ITGB3BP: variants seen among roughly 807,000 people sequenced by gnomAD.
ITGB3BP encodes the protein centromere protein R.
Under a neutral mutation model 29.1 loss-of-function variants are expected in ITGB3BP, and 27 were observed. That is an observed-to-expected ratio of 0.93 (90% CI 0.68 to 1.28). ITGB3BP has a LOEUF of 1.28. Ranked by LOEUF, ITGB3BP falls within the 50% of genes most tolerant of loss-of-function variation. The pLI, the probability that ITGB3BP is intolerant of heterozygous loss-of-function variation, is 0.00. For synonymous variants in ITGB3BP, 61 were observed against 61.4 expected (o/e 0.99, Z 0.03); for missense variants, 192 against 200.2 (o/e 0.96, Z 0.25).
intron 4 of ITGB3BP, among the ~76,000 whole-genome samples, chr1:63,455,851 A>G (rs80039094): frequency 0.013 from 1,893 of 148,790 alleles, 32 homozygotes; most frequent in African/African-American, 0.044. Context: ...AGCCACACTA[A>G]AAGGAATAAA....
intron 8 of ITGB3BP, among the ~76,000 whole-genome samples, chr1:63,443,859 G>A (rs1430136534): frequency 6.9e-6 from 1 of 145,884 alleles, no homozygotes; most frequent in Non-Finnish European, 1.5e-5. Context: ...TCTTTGGAGG[G>A]GAAATGATGA....
chr1:63,463,424 A>T (rs982487746), intron 4 of ITGB3BP, among the ~76,000 whole-genome samples: 3 of 152,112 alleles, frequency 2.0e-5, no homozygotes, highest in African/African-American at 7.2e-5. Flanking sequence ...TATGAATAAG[A>T]TCAGTGGATT....
At position 63,478,841 on chromosome 1, in the gene ITGB3BP, T is replaced by C. The variant is rs201791656; in HGVS notation, c.185-8A>G. ...TCAATTTTTTTCTCTTTTCTATATA[T>C]GTGTAATAAAGAAAAGGACATAAAG... On this transcript the variant is annotated splice_region_variant and splice_polypyrimidine_tract_variant and intron_variant, in intron 3 of 8. Transcript: ENST00000271002. 106 of 1,067,716 alleles carry C rather than the reference T, an allele frequency of 9.9e-5. No individual in the cohort carries two copies. The highest frequency in any genetic ancestry group is 1.3e-4 in the Non-Finnish European group (100 of 743,126). The allele number at this position is 1,067,716 out of a possible 1,614,324, so 66.1% of individuals were successfully genotyped here. A position where few individuals can be genotyped will look rare whatever the true frequency, so the allele number is the denominator to read the frequency against.
At chr1:63,477,216 C>T (rs1271037725) in intron 4 of ITGB3BP, among the ~76,000 whole-genome samples, 1 of 152,182 alleles carries the variant, frequency 6.6e-6, no homozygotes, top group Admixed American at 6.5e-5. Flanking sequence ...GTTTCCACAT[C>T]TTTTAATCTG....
intron 8 of ITGB3BP, among the ~76,000 whole-genome samples, chr1:63,445,647 C>T (rs1019936432): frequency 1.5e-4 from 20 of 132,382 alleles, no homozygotes; most frequent in Admixed American, 7.2e-5. Flanking sequence ...GTCACCCAGG[C>T]TGAGTGCAGT....
intron 4 of ITGB3BP, among the ~76,000 whole-genome samples, chr1:63,460,699 C>G (rs1013507584): frequency 7.9e-5 from 12 of 152,118 alleles, no homozygotes; most frequent in Non-Finnish European, 8.8e-5. Flanking sequence ...ATATGTTTAA[C>G]TTTTTGAGAA....
intron 4 of ITGB3BP, among the ~76,000 whole-genome samples, chr1:63,474,003 C>A (rs1386917451): frequency 1.9e-4 from 1 of 5,334 alleles, no homozygotes; most frequent in African/African-American, 2.0e-4. Flanking sequence ...CCAGCCGCCC[C>A]GTCCGGGAGG....
intron 4 of ITGB3BP, among the ~76,000 whole-genome samples, chr1:63,471,190 C>A (rs1645189743): frequency 1.8e-5 from 2 of 112,654 alleles, no homozygotes; most frequent in South Asian, 7.8e-4. Flanking sequence ...ACTTTTAAAG[C>A]TGTTTAATTT....
intron 2 of ITGB3BP, among the ~76,000 whole-genome samples, chr1:63,507,784 T>G (rs1646112921): frequency 6.6e-6 from 1 of 152,208 alleles, no homozygotes; most frequent in Non-Finnish European, 1.5e-5. Context: ...ACCCATTTAT[T>G]GAAATGGCAT....
intron 7 of ITGB3BP, chr1:63,447,711 A>C (rs1644806160): frequency 2.2e-6 from 1 of 450,202 alleles, no homozygotes; most frequent in East Asian, 7.0e-5. Flanking sequence ...AGAAATAGGA[A>C]CACTTTTACA....
chr1:63,498,381 T>C (rs999176292), intron 2 of ITGB3BP, among the ~76,000 whole-genome samples: 12 of 152,082 alleles, frequency 7.9e-5, no homozygotes, highest in East Asian at 1.9e-4. Context: ...TCTGGTCACA[T>C]AGAATGACAA....
At chr1:63,524,002 G>A (rs1646530383), upstream of ITGB3BP, among the ~76,000 whole-genome samples, 1 of 152,180 alleles carries the variant, frequency 6.6e-6, no homozygotes, top group East Asian at 1.9e-4. Flanking sequence ...GTCTCGGGCC[G>A]GAGTTTTAAG....
chr1:63,490,127 G>C lies in ITGB3BP; in HGVS notation c.140C>G (p.Pro47Arg). 1.9e-6 allele frequency: 3 copies of C among 1,610,732 alleles called. No homozygotes were observed. The highest frequency in any genetic ancestry group is 1.3e-5 in the African/African-American group (1 of 74,924). Reference sequence around the variant, plus strand: ...GTGCTTTTGCTCTTCAGAACTTGTGGGAGAAGCAAATAGACTCATTTGACA... The same window carrying C: ...GTGCTTTTGCTCTTCAGAACTTGTGCGAGAAGCAAATAGACTCATTTGACA... ...GTCQMSLFAS[P>R]TSSEEQKHRN... The change falls in exon 3 of 9, where the codon CCC becomes CGC. Residue 47 changes from proline to arginine, a missense_variant. Physicochemically the swap from Pro to Arg is moderately radical, Grantham distance 103 (BLOSUM62 -2). Coordinates refer to ENST00000271002, the MANE Select transcript of ITGB3BP (RefSeq NM_014288.5).
intron 2 of ITGB3BP, among the ~76,000 whole-genome samples, chr1:63,492,884 G>A (rs551611262): frequency 6.8e-6 from 1 of 147,976 alleles, no homozygotes; most frequent in Admixed American, 6.7e-5. Flanking sequence ...CAAGGTGGGA[G>A]GATTGCTTGA....
intron 2 of ITGB3BP, among the ~76,000 whole-genome samples, chr1:63,494,233 G>A (rs965897221): frequency 1.3e-5 from 2 of 151,856 alleles, no homozygotes; most frequent in African/African-American, 2.4e-5. Flanking sequence ...TCTGCCTCCC[G>A]GGTTCAAGCG....
intron 7 of ITGB3BP, 90 bp from the exon 8 acceptor site, chr1:63,446,946 A>G: frequency 1.1e-6 from 1 of 926,734 alleles, no homozygotes; most frequent in Non-Finnish European, 1.7e-6. Flanking sequence ...TTGAAGCAAA[A>G]TGAAATTAAA....
At chr1:63,508,462 TAAATC>T in intron 2 of ITGB3BP, 61 bp downstream of exon 2, 3 of 702,286 alleles carry the variant, frequency 4.3e-6, no homozygotes, top group Non-Finnish European at 2.4e-6. Flanking sequence ...TTTAACGAGA[TAAATC>T]AGTAGTTAAA....
chr1:63,491,506 A>G (rs539400557), intron 2 of ITGB3BP, among the ~76,000 whole-genome samples: 24 of 152,298 alleles, frequency 1.6e-4, no homozygotes, highest in African/African-American at 5.5e-4. Context: ...CTGATGGCTC[A>G]TACATTGCCA....
intron 4 of ITGB3BP, among the ~76,000 whole-genome samples, chr1:63,472,501 T>C (rs1259093260): frequency 7.9e-6 from 1 of 125,946 alleles, no homozygotes; most frequent in Non-Finnish European, 1.6e-5. Flanking sequence ...TCTCCTTCCA[T>C]GGTCTCCCTC....
Sources: allele counts gnomAD v4.1 joint callset (sites outside exome capture counted in the v4.1 genomes callset), GRCh38; gene constraint gnomAD v4.1.1; transcripts MANE v1.5; gene names NCBI Gene and HGNC (gene_info 2026-07-23, HGNC 2026-07-21).